Variants in GALNTL6 observed in about 807,000 individuals in gnomAD.
GALNTL6 encodes the protein polypeptide N-acetylgalactosaminyltransferase like 6.
In GALNTL6, 46 loss-of-function variants were observed where a neutral mutation model predicts 73.7. The ratio of observed to expected loss-of-function variants is 0.62; its 90% confidence interval spans 0.49 to 0.80. The LOEUF is 0.80. Among genes scored for constraint, GALNTL6 ranks in the 30% least tolerant of loss-of-function variants. GALNTL6 has a pLI of 0.00. For synonymous variants in GALNTL6, 259 were observed against 263.7 expected, an observed-to-expected ratio of 0.98 and a Z score of 0.17; for missense variants, 604 against 755.0, an observed-to-expected ratio of 0.80 and a Z score of 2.34.
At chr4:172,774,228 T>A (rs1738940451) in intron 5 of GALNTL6, among the ~76,000 whole-genome samples, 1 of 152,130 alleles carries the variant, frequency 6.6e-6, no homozygotes, top group South Asian at 2.1e-4. Context: ...ATGAATGAGG[T>A]GGTTTTAGCC....
At chr4:172,952,914 G>A (rs140428346) in intron 10 of GALNTL6, among the ~76,000 whole-genome samples, 6 of 152,314 alleles carry the variant, frequency 3.9e-5, no homozygotes, top group South Asian at 2.1e-4. Flanking sequence ...ATACAAGTGC[G>A]TAAATATGGG....
At chr4:172,650,047 C>G (rs1740406500) in intron 5 of GALNTL6, among the ~76,000 whole-genome samples, 1 of 152,128 alleles carries the variant, frequency 6.6e-6, no homozygotes, top group South Asian at 2.1e-4. Flanking sequence ...GTAGAAATAT[C>G]CCCAAAATTC....
At chr4:172,925,605 G>A (rs545102249) in intron 8 of GALNTL6, among the ~76,000 whole-genome samples, 5 of 152,294 alleles carry the variant, frequency 3.3e-5, no homozygotes, top group Middle Eastern at 3.4e-3. Flanking sequence ...AAATGGTGTC[G>A]ATAAGCTGAG....
At chr4:171,922,475 C>T (rs915998896) in intron 2 of GALNTL6, among the ~76,000 whole-genome samples, 4 of 151,902 alleles carry the variant, frequency 2.6e-5, no homozygotes, top group African/African-American at 9.7e-5. Flanking sequence ...AACATTATCA[C>T]TAAATGTACT....
chr4:172,039,484 T>C (rs866384701), intron 2 of GALNTL6, among the ~76,000 whole-genome samples: 3 of 152,206 alleles, frequency 2.0e-5, no homozygotes, highest in Non-Finnish European at 2.9e-5. Context: ...ATTGGCTATA[T>C]TAGCAGCTGT....
chr4:171,875,321 G>A (rs187313376), intron 2 of GALNTL6, among the ~76,000 whole-genome samples: 3 of 152,298 alleles, frequency 2.0e-5, no homozygotes, highest in East Asian at 3.9e-4. Context: ...AGCCCAGAAA[G>A]TTCTCTGTTG....
At position 172,699,040 on chromosome 4, in the gene GALNTL6, T is replaced by G. The variant is rs566710475; in HGVS notation, c.554-110321T>G. Among the ~76,000 whole-genome samples the G allele has an allele frequency of 1.3e-3, 192 of 152,234 alleles. 1 individual carries two copies. Among genetic ancestry groups the G allele is most frequent in the African/African-American group, 4.5e-3 (185 of 41,538 alleles). On this transcript the variant is annotated intron_variant, in intron 5 of 12. Transcript: ENST00000506823. ...GATCAAGGCATTGGCAGATTCGGTG[T>G]TTAGAGAAAGCCTGCTTTCTGGTTC...
At chr4:172,095,318 G>A (rs115056294) in intron 2 of GALNTL6, among the ~76,000 whole-genome samples, 2,471 of 152,208 alleles carry the variant, frequency 0.016, 33 homozygotes, top group Middle Eastern at 0.037. Flanking sequence ...GAGCCTCATA[G>A]GGTTAATCCC....
rs141385653 is a variant in GALNTL6 at position 171,845,318 on chromosome 4, G to A, written c.138+30600G>A. On this transcript the variant is annotated intron_variant, in intron 2 of 12. Coordinates refer to ENST00000506823, the MANE Select transcript of GALNTL6 (RefSeq NM_001034845.3). ...AATAACTTCTAGATCAAAGTTGACCGTAGGAATATGAGTTCTGGACCGAAA... is the reference window on the plus strand; with the variant it reads ...AATAACTTCTAGATCAAAGTTGACCATAGGAATATGAGTTCTGGACCGAAA... Among the ~76,000 whole-genome samples the A allele has an allele frequency of 1.1e-3, 164 of 152,262 alleles. 1 individual carries two copies. The highest frequency in any genetic ancestry group is 1.6e-3 in the Non-Finnish European group (111 of 68,008).
rs1553999879 is a variant in GALNTL6 at position 172,176,346 on chromosome 4, A to AAAAAAAAAAAG, written c.139-53308_139-53298dup. On this transcript the variant is annotated intron_variant, in intron 2 of 12. Transcript: ENST00000506823. ...CAGCGAGACTCCGTCTCAAAAAAAA[A>AAAAAAAAAAAG]AAAAAAAAAAGAGTGTATTCAGCAT... 7.4e-5 allele frequency among the ~76,000 whole-genome samples: 11 copies of AAAAAAAAAAAG among 147,800 alleles called. 2 individuals carry two copies. The highest frequency in any genetic ancestry group is 1.5e-4 in the Non-Finnish European group (10 of 66,366).
At chr4:172,104,632 T>C (rs1327535560) in intron 2 of GALNTL6, among the ~76,000 whole-genome samples, 1 of 152,186 alleles carries the variant, frequency 6.6e-6, no homozygotes, top group Non-Finnish European at 1.5e-5. Context: ...ATCTGTATTT[T>C]AGATCTATGA....
At chr4:172,751,370 TG>T (rs1408877814) in intron 5 of GALNTL6, among the ~76,000 whole-genome samples, 2 of 152,340 alleles carry the variant, frequency 1.3e-5, no homozygotes, top group African/African-American at 2.4e-5. Context: ...TGGGTAACCA[TG>T]GCCTTAAGAA....
chr4:172,823,409 C>G (rs967429258), intron 7 of GALNTL6, among the ~76,000 whole-genome samples: 1 of 152,210 alleles, frequency 6.6e-6, no homozygotes, highest in Non-Finnish European at 1.5e-5. Flanking sequence ...GCTCTGCTTT[C>G]TTCCATTTAG....
At chr4:172,805,359 C>A (rs574738861) in intron 5 of GALNTL6, among the ~76,000 whole-genome samples, 8 of 152,158 alleles carry the variant, frequency 5.3e-5, no homozygotes, top group Admixed American at 5.2e-4. Flanking sequence ...TTCTACAAAA[C>A]TGCTAAATTT....
chr4:173,007,124 C>T (rs1395661040), intron 10 of GALNTL6, among the ~76,000 whole-genome samples: 2 of 152,172 alleles, frequency 1.3e-5, no homozygotes, highest in Non-Finnish European at 2.9e-5. Flanking sequence ...TTTCCACCAC[C>T]ACCATTCTGT....
chr4:173,022,030 AGAAGGAAGGAAG>A (rs750348404), intron 12 of GALNTL6, among the ~76,000 whole-genome samples: 10,134 of 69,116 alleles, frequency 0.15, 951 homozygotes, highest in East Asian at 0.24. Context: ...AAGGAAGGAA[AGAAGGAAGGAAG>A]GAAGGAAGGA....
chr4:172,382,697 T>C (rs1164490131), intron 5 of GALNTL6, among the ~76,000 whole-genome samples: 1 of 152,166 alleles, frequency 6.6e-6, no homozygotes, highest in Non-Finnish European at 1.5e-5. Context: ...GTTTCCCGTA[T>C]GTTCTCTCTT....
At chr4:172,583,903 A>T in intron 5 of GALNTL6, among the ~76,000 whole-genome samples, 1 of 150,800 alleles carries the variant, frequency 6.6e-6, no homozygotes, top group Admixed American at 6.6e-5. Context: ...CAAAAAAAAA[A>T]AAAAAAAAAA....
intron 2 of GALNTL6, among the ~76,000 whole-genome samples, chr4:172,008,576 T>A (rs1166825975): frequency 6.6e-6 from 1 of 152,126 alleles, no homozygotes; most frequent in African/African-American, 2.4e-5. Context: ...TTTTCCTGTA[T>A]AATGAAGAAG....
Sources: allele counts gnomAD v4.1 joint callset (sites outside exome capture counted in the v4.1 genomes callset), GRCh38; gene constraint gnomAD v4.1.1; transcripts MANE v1.5; gene names NCBI Gene and HGNC (gene_info 2026-07-23, HGNC 2026-07-21).